SLC45A4: variants seen among roughly 807,000 people sequenced by gnomAD.
The protein encoded by SLC45A4 is polyamine-transporter SLC45A4.
SLC45A4 carries 32 observed loss-of-function variants against 63.7 expected under a neutral mutation model. That is an observed-to-expected ratio of 0.50 (90% confidence interval 0.38 to 0.67). The LOEUF (loss-of-function observed/expected upper bound fraction) is 0.67, where lower values mean the gene tolerates loss of function less well. Among genes scored for constraint, SLC45A4 ranks in the 30% least tolerant of loss-of-function variants. The pLI is 0.00. For synonymous variants in SLC45A4, 535 were observed against 510.0 expected, an observed-to-expected ratio of 1.05 and a Z score of -0.66; for missense variants, 1,027 against 1,157.7, an observed-to-expected ratio of 0.89 and a Z score of 1.64.
intron 2 of SLC45A4, among the ~76,000 whole-genome samples, chr8:141,223,435 C>A (rs1826780584): frequency 6.6e-6 from 1 of 152,240 alleles, no homozygotes; most frequent in African/African-American, 2.4e-5. Flanking sequence ...CAAAACTACG[C>A]AGAGGGCGCA....
chr8:141,295,466 A>T (rs1830509091), intron 1 of SLC45A4, among the ~76,000 whole-genome samples: 1 of 152,212 alleles, frequency 6.6e-6, no homozygotes, highest in Non-Finnish European at 1.5e-5. Context: ...GGCTATTAAC[A>T]TTGAAAGTTT....
intron 2 of SLC45A4, among the ~76,000 whole-genome samples, chr8:141,239,712 G>A (rs750353692): frequency 1.5e-4 from 23 of 152,208 alleles, no homozygotes; most frequent in Non-Finnish European, 2.6e-4. Context: ...CTAAGCTATG[G>A]TCAGTTGCAT....
At position 141,211,419 on chromosome 8, in the gene SLC45A4, T is replaced by C. The variant is rs749355753; in HGVS notation, c.*153A>G. ...GTGCCCAGCCCATCCCTGGGCAGGG[T>C]GTCTGGGAGCCACCCCTGCAAATCA... is the stretch of plus-strand genomic sequence containing the variant. On this transcript the variant is annotated 3_prime_UTR_variant, in exon 9 of 9. Transcript: ENST00000517878. 1 of 1,546,700 alleles carries C rather than the reference T, an allele frequency of 6.5e-7. No homozygotes were observed. The highest frequency in any genetic ancestry group is 2.0e-5 in the Admixed American group (1 of 48,886).
intron 1 of SLC45A4, among the ~76,000 whole-genome samples, chr8:141,296,905 G>A (rs1471135220): frequency 1.3e-5 from 2 of 148,778 alleles, no homozygotes; most frequent in Non-Finnish European, 3.0e-5. Context: ...GACAGAGCAA[G>A]AAGGGGCGAT....
At chr8:141,239,592 A>ACG (rs1307941803) in intron 2 of SLC45A4, among the ~76,000 whole-genome samples, 3 of 148,204 alleles carry the variant, frequency 2.0e-5, no homozygotes, top group African/African-American at 7.6e-5. Context: ...ACACACACAC[A>ACG]CACACACGCA....
In SLC45A4 at chr8:141,221,607, C is replaced by A; in HGVS notation, c.400G>T (p.Val134Phe). The A allele has an allele frequency of 6.2e-7, 1 of 1,613,576 alleles. No homozygotes were observed. Among genetic ancestry groups the A allele is most frequent in the South Asian group, 1.1e-5 (1 of 91,054 alleles). The change falls in exon 3 of 9, where the codon GTT becomes TTT. Residue 134 changes from valine to phenylalanine, a missense_variant. Physicochemically the swap from Val to Phe is conservative, Grantham distance 50. Coordinates refer to ENST00000517878, the MANE Select transcript of SLC45A4 (RefSeq NM_001286646.2). Reference protein sequence around the residue: ...LALCVGVLFGVALFLNGSAIG... With the variant: ...LALCVGVLFGFALFLNGSAIG... Reference sequence around the variant, plus strand: ...GCAGAGCCGTTAAGGAAAAGTGCAACGCCAAAGAGGACGCCAACGCAGAGG... The same window carrying A: ...GCAGAGCCGTTAAGGAAAAGTGCAAAGCCAAAGAGGACGCCAACGCAGAGG...
At chr8:141,268,819 C>A (rs532606294) in intron 1 of SLC45A4, among the ~76,000 whole-genome samples, 1 of 152,124 alleles carries the variant, frequency 6.6e-6, no homozygotes, top group Non-Finnish European at 1.5e-5. Context: ...AGTGTCCTAT[C>A]GTGGAGGCGC....
At chr8:141,245,900 G>A (rs1828166211) in intron 2 of SLC45A4, among the ~76,000 whole-genome samples, 1 of 152,166 alleles carries the variant, frequency 6.6e-6, no homozygotes, top group Admixed American at 6.5e-5. Context: ...ACACACACGG[G>A]CATTAGCTGG....
At chr8:141,235,680 G>A (rs1350090948) in intron 2 of SLC45A4, among the ~76,000 whole-genome samples, 1 of 152,138 alleles carries the variant, frequency 6.6e-6, no homozygotes. Context: ...CTGCTCCGAG[G>A]TAAAAAACAA....
intron 2 of SLC45A4, among the ~76,000 whole-genome samples, chr8:141,232,543 GA>G (rs1827413044): frequency 6.7e-6 from 1 of 150,290 alleles, no homozygotes; most frequent in African/African-American, 2.4e-5. Context: ...GAGCACTCAG[GA>G]GCTGCAACGT....
chr8:141,216,917 C>T (rs578227225), intron 6 of SLC45A4, among the ~76,000 whole-genome samples, 173 bp downstream of exon 6: 77 of 152,344 alleles, frequency 5.1e-4, no homozygotes, highest in Middle Eastern at 3.4e-3. Context: ...TTCCCTAAAA[C>T]GAGGACATGG....
rs368824557 is a variant in SLC45A4 at position 141,211,500 on chromosome 8, G to A, written c.*72C>T. 11 of 1,607,332 alleles carry A rather than the reference G, an allele frequency of 6.8e-6. No individual in the cohort carries two copies. Among genetic ancestry groups the A allele is most frequent in the Middle Eastern group, 3.6e-4 (2 of 5,480 alleles). On this transcript the variant is annotated 3_prime_UTR_variant, in exon 9 of 9. Coordinates refer to ENST00000517878, the MANE Select transcript of SLC45A4 (RefSeq NM_001286646.2). The stretch of plus-strand genomic sequence containing the variant: ...CTCCTCCCAGCTTTGGTGTGCGGTC[G>A]CTGCCCAAGGACAGGGCTGCCCTGG...
intron 1 of SLC45A4, among the ~76,000 whole-genome samples, chr8:141,263,790 T>TAAA (rs1829145594): frequency 7.0e-6 from 1 of 142,510 alleles, no homozygotes; most frequent in Non-Finnish European, 1.5e-5. Context: ...AAAATAAAAA[T>TAAA]AATAATAAAA....
intron 1 of SLC45A4, among the ~76,000 whole-genome samples, chr8:141,271,477 T>C (rs1829517275): frequency 6.6e-6 from 1 of 152,176 alleles, no homozygotes; most frequent in African/African-American, 2.4e-5. Flanking sequence ...AACCACGTCA[T>C]TCAGAAAGGC....
At chr8:141,273,408 G>A (rs1481209007) in intron 1 of SLC45A4, among the ~76,000 whole-genome samples, 2 of 152,164 alleles carry the variant, frequency 1.3e-5, no homozygotes, top group Non-Finnish European at 2.9e-5. Flanking sequence ...AAAATCAAGC[G>A]CCAGTATCAA....
At chr8:141,246,594 A>G (rs1352426133) in intron 2 of SLC45A4, among the ~76,000 whole-genome samples, 1 of 152,292 alleles carries the variant, frequency 6.6e-6, no homozygotes, top group Non-Finnish European at 1.5e-5. Flanking sequence ...ATTGGTTAAC[A>G]GGAATTACTC....
chr8:141,283,204 G>A (rs531556160), intron 1 of SLC45A4, among the ~76,000 whole-genome samples: 3 of 152,300 alleles, frequency 2.0e-5, no homozygotes, highest in South Asian at 2.1e-4. Context: ...TGCTAGATAC[G>A]GAACCTCTGA....
In SLC45A4 at chr8:141,251,922, T is replaced by C. The variant is rs145278257; in HGVS notation, c.241+2067A>G. On this transcript the variant is annotated intron_variant, in intron 2 of 8. Transcript: ENST00000517878. ...GCCAGCGGGGCTGCCCCACACACAA[T>C]CAAAGAAAATGCTACGATTTCACAC... Among the ~76,000 whole-genome samples, 10 of 148,722 alleles carry C rather than the reference T, an allele frequency of 6.7e-5. No homozygotes were observed. The East Asian group carries it at 2.0e-3, about 30-fold the overall frequency.
intron 1 of SLC45A4, among the ~76,000 whole-genome samples, chr8:141,277,915 C>A (rs1589844216): frequency 2.0e-5 from 3 of 152,084 alleles, no homozygotes; most frequent in Admixed American, 2.0e-4. Flanking sequence ...GTGAAAAAAA[C>A]AATTTTTTAA....
Sources: gnomAD v4.1 joint callset for allele counts (sites outside exome capture counted in the v4.1 genomes callset) on GRCh38, gnomAD v4.1.1 for gene constraint, MANE v1.5 for transcripts, NCBI Gene and HGNC (gene_info 2026-07-23, HGNC 2026-07-21) for gene names.